Variants in TRPV4 observed in about 807,000 individuals in gnomAD.
TRPV4 encodes OSM9-like transient receptor potential channel 4.
Under a neutral mutation model 84.1 loss-of-function variants are expected in TRPV4, and 58 were observed. The ratio of observed to expected loss-of-function variants is 0.69; its 90% confidence interval spans 0.56 to 0.86. TRPV4 has a LOEUF of 0.86. TRPV4 is among the 40% of genes least tolerant of loss of function. The pLI, the probability that TRPV4 is intolerant of heterozygous loss-of-function variation, is 0.00. For synonymous variants in TRPV4, 489 were observed against 500.9 expected (o/e 0.98, Z 0.32); for missense variants, 879 against 1,181.1 (o/e 0.74, Z 3.75).
chr12:109,794,227 G>A lies in TRPV4; in HGVS notation c.1491+102C>T, dbSNP rs59870578. ...CCCAACCTGTTCCTAAACCTTCTCC[G>A]GGTCCCCCTACAGGGGACCCAGAAG... On this transcript the variant is annotated intron_variant, in intron 8 of 15. Coordinates refer to ENST00000261740, the MANE Select transcript of TRPV4 (RefSeq NM_021625.5). The A allele has an allele frequency of 0.08, 119,095 of 1,482,670 alleles. 5,467 individuals are homozygous for A. Among genetic ancestry groups the A allele is most frequent in the Middle Eastern group, 0.18 (906 of 5,054 alleles). 91.8% of individuals were successfully genotyped at this position (1,482,670 alleles called of 1,614,324 possible). A position where few individuals can be genotyped will look rare whatever the true frequency, so the allele number is the denominator to read the frequency against.
chr12:109,821,690 C>T (rs948234027), intron 1 of TRPV4, among the ~76,000 whole-genome samples: 2 of 152,064 alleles, frequency 1.3e-5, no homozygotes, highest in African/African-American at 2.4e-5. Flanking sequence ...ACCACAACAC[C>T]CGGCTAATTT....
chr12:109,814,238 T>C lies in TRPV4; in HGVS notation c.386+173A>G, dbSNP rs963134081. ...GTTGGATGGATGGATGGACGGATGATATATGGATAGGGAGATGAATAGATG... is the reference window on the plus strand; with the variant it reads ...GTTGGATGGATGGATGGACGGATGACATATGGATAGGGAGATGAATAGATG... On this transcript the variant is annotated intron_variant, in intron 2 of 15. Transcript: ENST00000261740. This position sits in a 1 kb window ranked among gnomAD's most constrained non-coding sequence, Gnocchi z 5.4. 7.9e-5 allele frequency among the ~76,000 whole-genome samples: 12 copies of C among 151,204 alleles called. 1 individual carries two copies. The highest frequency in any genetic ancestry group is 2.9e-4 in the African/African-American group (12 of 41,102).
At position 109,793,959 on chromosome 12, in the gene TRPV4, A is replaced by T; in HGVS notation, c.1555T>A (p.Phe519Ile). Residue 519 changes from phenylalanine to isoleucine, a missense_variant, in exon 9 of 16, where the codon TTC becomes ATC. Coordinates refer to ENST00000261740, the MANE Select transcript of TRPV4 (RefSeq NM_021625.5). The surrounding 1 kb of genome is among the most constrained non-coding windows in gnomAD (Gnocchi z 4.0). ...GTGAAGAAGAACAGGACCCCAGTGA[A>T]GAGCGTAATGACCTCGCCAGCCAGC... ...LRLAGEVITL[F>I]TGVLFFFTNI... 1.9e-6 allele frequency: 3 copies of T among 1,610,684 alleles called. No homozygotes were observed. The highest frequency in any genetic ancestry group is 2.5e-6 in the Non-Finnish European group (3 of 1,179,200).
chr12:109,787,220 C>A (rs1198779168), intron 13 of TRPV4, among the ~76,000 whole-genome samples: 3 of 152,204 alleles, frequency 2.0e-5, no homozygotes, highest in Non-Finnish European at 4.4e-5. Context: ...GAGCTTCCAA[C>A]TTTTCAAGAA....
At position 109,792,443 on chromosome 12, in the gene TRPV4, C is replaced by T. The variant is rs114829048; in HGVS notation, c.1825-14G>A. Reference sequence around the variant, plus strand: ...CTTGAAGAGAATCTAAAGACCCCAGCGGGATTATGGAGGCAAAGAGGAGAC... The same window carrying T: ...CTTGAAGAGAATCTAAAGACCCCAGTGGGATTATGGAGGCAAAGAGGAGAC... On this transcript the variant is annotated splice_polypyrimidine_tract_variant and intron_variant, in intron 11 of 15. Coordinates refer to ENST00000261740, the MANE Select transcript of TRPV4 (RefSeq NM_021625.5). 611 of 1,613,560 alleles carry T rather than the reference C, an allele frequency of 3.8e-4. 4 individuals carry two copies. The African/African-American group carries it at 5.7e-3, about 15-fold the overall frequency.
rs1192212970 is a variant in TRPV4 at position 109,798,881 on chromosome 12, G to A, written c.885C>T (p.Thr295=). The A allele has an allele frequency of 6.2e-7, 1 of 1,612,314 alleles. No homozygotes were observed. Among genetic ancestry groups the A allele is most frequent in the Admixed American group, 1.7e-5 (1 of 60,004 alleles). Residue 295 remains threonine, a synonymous_variant, in exon 6 of 16, where the codon ACC becomes ACT. Coordinates refer to ENST00000261740, the MANE Select transcript of TRPV4 (RefSeq NM_021625.5). The surrounding 1 kb of genome is among the most constrained non-coding windows in gnomAD (Gnocchi z 5.0). ...GELPLSLAAC[T]NQPHIVNYLT... is the part of the protein sequence containing the mutation. ...GGTAGTTGACAATGTGGGGCTGGTTGGTGCAGGCAGCCAGCGACAGGGGCA... is the reference window on the plus strand; with the variant it reads ...GGTAGTTGACAATGTGGGGCTGGTTAGTGCAGGCAGCCAGCGACAGGGGCA...
rs200757159 is a variant in TRPV4, at chr12:109,788,410, C to T, written c.2198G>A (p.Trp733Ter). ...GCCCTGGGGCCTCACCTGCAGCTTC[C>T]AGATGTGCTTGCTCTCCTTGGAGAC... ...GQVSKESKHI[W>*]KLQWATTILD... Residue 733 changes from tryptophan (W) to a stop codon, truncating the protein, a stop_gained, in exon 13 of 16, where the codon TGG becomes TAG. Transcript: ENST00000261740. LOFTEE classifies it high-confidence loss of function. 65 of 1,613,754 alleles carry T rather than the reference C, an allele frequency of 4.0e-5. No individual in the cohort carries two copies. Among genetic ancestry groups the T allele is most frequent in the Non-Finnish European group, 5.1e-5 (60 of 1,179,936 alleles).
rs1354601843 is a variant in TRPV4, at chr12:109,814,725, G to A, written c.72C>T (p.Gly24=). 6.3e-7 allele frequency: 1 copy of A among 1,598,940 alleles called. No homozygotes were observed. ...GAGGAAAAGCCTCCCCACCTGGGGTGCCACTCTCATCCCCGGGGAGCTCAG... is the reference window on the plus strand; with the variant it reads ...GAGGAAAAGCCTCCCCACCTGGGGTACCACTCTCATCCCCGGGGAGCTCAG... ...EVAELPGDES[G]TPGGEAFPLS... Residue 24 remains glycine, a synonymous_variant, in exon 2 of 16, where the codon GGC becomes GGT. Transcript: ENST00000261740. This position sits in a 1 kb window ranked among gnomAD's most constrained non-coding sequence, Gnocchi z 5.4.
rs966827750 is a variant in TRPV4 at position 109,794,583 on chromosome 12, G to A, written c.1333-96C>T. The A allele has an allele frequency of 2.3e-6, 3 of 1,310,100 alleles. No homozygotes were observed. In the South Asian group the frequency reaches 3.5e-5, roughly 15 times the overall value. The allele number at this position is 1,310,100 out of a possible 1,614,324, so 81.2% of individuals were successfully genotyped here. A position where few individuals can be genotyped will look rare whatever the true frequency, so the allele number is the denominator to read the frequency against. Reference sequence around the variant, plus strand: ...TGTGCCTTCCCCCACCCTCCACCCGGACAGCGCTTTCTCTTTCCATCCATT... The same window carrying A: ...TGTGCCTTCCCCCACCCTCCACCCGAACAGCGCTTTCTCTTTCCATCCATT... On this transcript the variant is annotated intron_variant, in intron 7 of 15. Coordinates refer to ENST00000261740, the MANE Select transcript of TRPV4 (RefSeq NM_021625.5).
At chr12:109,803,283 G>T in intron 3 of TRPV4, 140 bp from the exon 4 acceptor site, 1 of 1,039,754 alleles carries the variant, frequency 9.6e-7, no homozygotes, top group Non-Finnish European at 1.4e-6. Flanking sequence ...TTCCTCATCT[G>T]TCCAGTGGGG....
At chr12:109,809,604 A>G (rs1040483051) in intron 2 of TRPV4, among the ~76,000 whole-genome samples, 1 of 146,806 alleles carries the variant, frequency 6.8e-6, no homozygotes, top group Non-Finnish European at 1.5e-5. Context: ...CCATCCATCC[A>G]TCCATCCATC....
At chr12:109,810,674 A>C (rs546641463) in intron 2 of TRPV4, among the ~76,000 whole-genome samples, 8 of 152,314 alleles carry the variant, frequency 5.3e-5, no homozygotes, top group Admixed American at 5.2e-4. Context: ...TAATGAGGGC[A>C]CTTAGGCAGC....
chr12:109,824,674 T>G (rs1211727178), intron 1 of TRPV4, among the ~76,000 whole-genome samples: 2 of 152,062 alleles, frequency 1.3e-5, no homozygotes, highest in East Asian at 3.9e-4. Flanking sequence ...GAGAATCTCT[T>G]GAACCCAGGA....
intron 14 of TRPV4, 29 bp from the exon 15 acceptor site, chr12:109,784,466 G>A: frequency 6.2e-7 from 1 of 1,614,036 alleles, no homozygotes; most frequent in Non-Finnish European, 8.5e-7. Flanking sequence ...AGGGTCATGG[G>A]GAACCCCTCA....
At chr12:109,790,672 A>C (rs1293131451) in intron 12 of TRPV4, among the ~76,000 whole-genome samples, 2 of 152,004 alleles carry the variant, frequency 1.3e-5, no homozygotes, top group Non-Finnish European at 2.9e-5. Context: ...GCTTGAGCCC[A>C]GGAGTTCAAG....
chr12:109,794,314 T>C lies in TRPV4; in HGVS notation c.1491+15A>G. 1 of 1,610,188 alleles carries C rather than the reference T, an allele frequency of 6.2e-7. No individual in the cohort carries two copies. On this transcript the variant is annotated intron_variant, in intron 8 of 15. Coordinates refer to ENST00000261740, the MANE Select transcript of TRPV4 (RefSeq NM_021625.5). ...AGTGCCTGCCCCAGCCCCTGCCCGGTCCCCGGGCACTCACTGTGCCCTCCA... is the reference window on the plus strand; with the variant it reads ...AGTGCCTGCCCCAGCCCCTGCCCGGCCCCCGGGCACTCACTGTGCCCTCCA...
chr12:109,783,849 A>T lies in TRPV4; in HGVS notation c.2459-71T>A. On this transcript the variant is annotated intron_variant, in intron 15 of 15. Transcript: ENST00000261740. This position sits in a 1 kb window ranked among gnomAD's most constrained non-coding sequence, Gnocchi z 4.6. Reference sequence around the variant, plus strand: ...GAGAGCGTGCGTATATTGAGTGCCTACTGTGTACTGGGCACTCCACAGTGT... The same window carrying T: ...GAGAGCGTGCGTATATTGAGTGCCTTCTGTGTACTGGGCACTCCACAGTGT... The T allele has an allele frequency of 6.4e-7, 1 of 1,561,356 alleles. No individual in the cohort carries two copies. The highest frequency in any genetic ancestry group is 8.7e-7 in the Non-Finnish European group (1 of 1,148,194).
chr12:109,825,502 T>G (rs1033164210), intron 1 of TRPV4, among the ~76,000 whole-genome samples: 1 of 152,110 alleles, frequency 6.6e-6, no homozygotes, highest in Non-Finnish European at 1.5e-5. Flanking sequence ...AGGTGGGGGA[T>G]GATGACATTG....
In TRPV4 at chr12:109,822,958, G is replaced by T. The variant is rs139615651; in HGVS notation, c.-31-8131C>A. On this transcript the variant is annotated intron_variant, in intron 1 of 15. Coordinates refer to ENST00000261740, the MANE Select transcript of TRPV4 (RefSeq NM_021625.5). ...GGGAACAGATGAACAAAAGGACTGAGGACCAAGGAAGGCAATGACTCCTAG... is the reference window on the plus strand; with the variant it reads ...GGGAACAGATGAACAAAAGGACTGATGACCAAGGAAGGCAATGACTCCTAG... Among the ~76,000 whole-genome samples, 64 of 152,316 alleles carry T rather than the reference G, an allele frequency of 4.2e-4. 1 individual carries two copies. The East Asian group carries it at 9.4e-3, about 22-fold the overall frequency.
Sources: gnomAD v4.1 joint callset for allele counts (sites outside exome capture counted in the v4.1 genomes callset) on GRCh38, gnomAD v4.1.1 for gene constraint, Gnocchi (gnomAD v3.1) non-coding constraint, MANE v1.5 for transcripts, NCBI Gene and HGNC (gene_info 2026-07-23, HGNC 2026-07-21) for gene names.